The following RBFOX1 variants were observed in gnomAD, a reference collection of about 807,000 sequenced individuals.
RBFOX1 encodes RNA binding fox-1 homolog 1, also known as RNA binding protein fox-1 homolog 1.
RBFOX1 carries 8 observed loss-of-function variants against 57.7 expected under a neutral mutation model. The ratio of observed to expected loss-of-function variants is 0.14; its 90% CI spans 0.08 to 0.25. The LOEUF is 0.25. RBFOX1 is among the 10% of genes least tolerant of loss of function. RBFOX1 has a pLI of 1.00. For missense variants in RBFOX1, 611 were observed against 548.5 expected (o/e 1.11, Z -1.14); for synonymous variants, 326 against 222.4 (o/e 1.47, Z -4.15).
intron 4 of RBFOX1, among the ~76,000 whole-genome samples, chr16:5,918,279 C>A (rs965962290): frequency 1.2e-4 from 19 of 152,162 alleles, no homozygotes; most frequent in Non-Finnish European, 2.4e-4. Context: ...GCCACCATGC[C>A]TGGCTAATTT....
intron 1 of RBFOX1, among the ~76,000 whole-genome samples, chr16:5,412,910 C>T (rs1157996759): frequency 6.6e-6 from 1 of 152,208 alleles, no homozygotes; most frequent in African/African-American, 2.4e-5. Flanking sequence ...AGGCGCCACC[C>T]ACCCAGGACA....
intron 3 of RBFOX1, among the ~76,000 whole-genome samples, chr16:6,988,298 A>AG (rs1217563002): frequency 6.6e-6 from 1 of 152,100 alleles, no homozygotes; most frequent in African/African-American, 2.4e-5. Context: ...AGAGCAGTGT[A>AG]GTCTATTGGA....
chr16:7,193,950 C>G (rs1263111024), intron 4 of RBFOX1, among the ~76,000 whole-genome samples: 4 of 149,242 alleles, frequency 2.7e-5, no homozygotes, highest in Admixed American at 6.7e-5. Flanking sequence ...CTATCTCTAG[C>G]TATCTTTTTT....
chr16:6,519,301 A>G (rs897021234), intron 2 of RBFOX1, among the ~76,000 whole-genome samples: 1 of 152,170 alleles, frequency 6.6e-6, no homozygotes. Context: ...AGGTGATACT[A>G]TTGTGTTGCA....
intron 3 of RBFOX1, among the ~76,000 whole-genome samples, chr16:5,693,847 C>G (rs1040422890): frequency 3.3e-5 from 5 of 152,136 alleles, no homozygotes; most frequent in African/African-American, 1.2e-4. Context: ...CTTTTTGTGA[C>G]AGTTTTCCTG....
intron 3 of RBFOX1, among the ~76,000 whole-genome samples, chr16:6,931,251 G>C (rs2076456371): frequency 6.7e-6 from 1 of 149,380 alleles, no homozygotes; most frequent in South Asian, 2.1e-4. Context: ...TTTGCTCTTT[G>C]GTGCTACCAA....
intron 14 of RBFOX1, among the ~76,000 whole-genome samples, chr16:7,678,927 A>G (rs2074063103): frequency 6.6e-6 from 1 of 152,194 alleles, no homozygotes; most frequent in Non-Finnish European, 1.5e-5. Flanking sequence ...TTTCAGTTGA[A>G]GAAACCAACT....
chr16:7,003,890 T>C (rs1246561419), intron 3 of RBFOX1: 1 of 152,154 alleles, frequency 6.6e-6, no homozygotes, highest in Non-Finnish European at 1.5e-5. Flanking sequence ...TAAATTGGCT[T>C]TCAGTGGGTC....
At chr16:5,369,002 G>T (rs916869724) in intron 1 of RBFOX1, among the ~76,000 whole-genome samples, 24 of 152,292 alleles carry the variant, frequency 1.6e-4, no homozygotes, top group African/African-American at 5.8e-4. Flanking sequence ...GACCACAGTG[G>T]TTTTTGTTTG....
At chr16:6,446,451 C>T (rs908344486) in intron 2 of RBFOX1, among the ~76,000 whole-genome samples, 6 of 152,102 alleles carry the variant, frequency 3.9e-5, no homozygotes, top group South Asian at 4.1e-4. Flanking sequence ...AAAAATTTCT[C>T]ATGTAAGGGA....
intron 2 of RBFOX1, among the ~76,000 whole-genome samples, chr16:6,403,275 C>T (rs1201202698): frequency 1.3e-5 from 2 of 152,162 alleles, no homozygotes; most frequent in Admixed American, 6.5e-5. Flanking sequence ...CAGTTTACTC[C>T]AGCTGTCTAA....
upstream of RBFOX1, among the ~76,000 whole-genome samples, chr16:6,016,682 G>A (rs2094995743): frequency 6.6e-6 from 1 of 152,174 alleles, no homozygotes; most frequent in Admixed American, 6.5e-5. Context: ...TTCATGTCCA[G>A]TAGGAGGAGC....
intron 2 of RBFOX1, among the ~76,000 whole-genome samples, chr16:6,582,555 A>G (rs1375073112): frequency 4.0e-5 from 6 of 151,330 alleles, no homozygotes; most frequent in Non-Finnish European, 1.5e-5. Flanking sequence ...TGAATCTATT[A>G]ATTCTGGGCC....
At chr16:7,046,237 G>A (rs1021224029) in intron 3 of RBFOX1, among the ~76,000 whole-genome samples, 1 of 146,590 alleles carries the variant, frequency 6.8e-6, no homozygotes, top group African/African-American at 2.5e-5. Flanking sequence ...TAGGTAAAGG[G>A]GTGTGTGTGT....
At chr16:7,465,342 T>A (rs1324303862) in intron 4 of RBFOX1, among the ~76,000 whole-genome samples, 1 of 152,240 alleles carries the variant, frequency 6.6e-6, no homozygotes, top group Non-Finnish European at 1.5e-5. Flanking sequence ...CCTCTACAAA[T>A]CTGTAGGCGC....
At chr16:7,682,378 G>A (rs1438735528) in intron 14 of RBFOX1, among the ~76,000 whole-genome samples, 1 of 151,972 alleles carries the variant, frequency 6.6e-6, no homozygotes, top group African/African-American at 2.4e-5. Context: ...AGAAGGGATG[G>A]GAGAGTTTTC....
intron 1 of RBFOX1, among the ~76,000 whole-genome samples, chr16:6,120,551 T>G (rs895676350): frequency 2.0e-5 from 3 of 152,110 alleles, no homozygotes; most frequent in Non-Finnish European, 4.4e-5. Flanking sequence ...TCCACATGGG[T>G]TTTATAGGTA....
At chr16:7,050,491 C>G (rs377695489) in intron 3 of RBFOX1, among the ~76,000 whole-genome samples, 63 of 152,188 alleles carry the variant, frequency 4.1e-4, no homozygotes, top group African/African-American at 1.4e-3. Context: ...GTCTCGAATT[C>G]CTGACCTCAC....
chr16:6,178,177 CTTTTTTTT>C (rs34382826), intron 1 of RBFOX1, among the ~76,000 whole-genome samples: 3 of 69,614 alleles, frequency 4.3e-5, no homozygotes, highest in African/African-American at 1.1e-4. Flanking sequence ...AAAGGTCACT[CTTTTTTTT>C]TTTTTTTTTT....
Sources: gnomAD v4.1 joint callset for allele counts (sites outside exome capture counted in the v4.1 genomes callset) on GRCh38, gnomAD v4.1.1 for gene constraint, MANE v1.5 for transcripts, NCBI Gene and HGNC (gene_info 2026-07-23, HGNC 2026-07-21) for gene names.